IFT74: variants seen among roughly 807,000 people sequenced by gnomAD.
IFT74 encodes intraflagellar transport protein 74 homolog.
A neutral mutation model predicts 96.7 loss-of-function variants in IFT74; 92 were observed. The ratio of observed to expected loss-of-function variants is 0.95; its 90% CI spans 0.80 to 1.13. The LOEUF (loss-of-function observed/expected upper bound fraction) is 1.13. Ranked by LOEUF, IFT74 falls within the 50% of genes most tolerant of loss-of-function variation. IFT74 has a pLI of 0.00. For synonymous variants in IFT74, 223 were observed against 213.2 expected, an observed-to-expected ratio of 1.05 and a Z score of -0.40; for missense variants, 811 against 698.2, an observed-to-expected ratio of 1.16 and a Z score of -1.82.
chr9:27,006,187 T>C (rs1010404227), intron 8 of IFT74, among the ~76,000 whole-genome samples: 1 of 152,194 alleles, frequency 6.6e-6, no homozygotes, highest in Non-Finnish European at 1.5e-5. Context: ...TTTATTAAAG[T>C]ATTAACAATT....
At chr9:27,049,595 G>T (rs1819839042) in intron 16 of IFT74, among the ~76,000 whole-genome samples, 1 of 152,154 alleles carries the variant, frequency 6.6e-6, no homozygotes. Flanking sequence ...AGCTAGTTTG[G>T]TCAAGGATTG....
Position 27,017,346 on chromosome 9 carries a change from C to T in IFT74, c.933+296C>T, listed in dbSNP as rs539255415. 6.6e-5 allele frequency among the ~76,000 whole-genome samples: 10 copies of T among 152,136 alleles called. No homozygotes were observed. In the South Asian group the frequency reaches 1.2e-3, roughly 19 times the overall value. The stretch of plus-strand genomic sequence containing the variant: ...CAAGTGATCCTCCACCTCAGCCTCC[C>T]GAGTAGCTGGGACTGCAGGCATGTG... On this transcript the variant is annotated intron_variant, in intron 11 of 19. Coordinates refer to ENST00000380062, the MANE Select transcript of IFT74 (RefSeq NM_025103.4).
intron 13 of IFT74, among the ~76,000 whole-genome samples, chr9:27,032,099 C>T (rs771814180): frequency 2.0e-5 from 3 of 152,092 alleles, no homozygotes; most frequent in Non-Finnish European, 4.4e-5. Flanking sequence ...AAGCCTTACA[C>T]AAATCACAAA....
At position 26,984,333 on chromosome 9, in the gene IFT74, G is replaced by C; in HGVS notation, c.382G>C (p.Val128Leu). The C allele has an allele frequency of 6.3e-7, 1 of 1,584,826 alleles. No individual in the cohort carries two copies. Residue 128 changes from valine to leucine, a missense_variant, in exon 5 of 20, where the codon GTA (valine) becomes CTA (leucine). Val to Leu is a conservative substitution (Grantham distance 32, BLOSUM62 1). Coordinates refer to ENST00000380062, the MANE Select transcript of IFT74 (RefSeq NM_025103.4). ...GIEMYNQENS[V>L]YLSYEKRAET... ...AGAAATGTACAATCAAGAGAATTCA[G>C]TATATTTGTCATATGAAAAGAGGTG...
intron 1 of IFT74, among the ~76,000 whole-genome samples, chr9:26,949,729 T>C (rs1825873353): frequency 6.6e-6 from 1 of 151,948 alleles, no homozygotes; most frequent in Non-Finnish European, 1.5e-5. Flanking sequence ...TTTTAAAGGA[T>C]CGGTTGGTGG....
chr9:26,952,819 T>C (rs1825976778), upstream of IFT74, among the ~76,000 whole-genome samples: 1 of 152,180 alleles, frequency 6.6e-6, no homozygotes, highest in Non-Finnish European at 1.5e-5. Flanking sequence ...AGAAAGCTTT[T>C]CCTCTACCCT....
At chr9:26,978,661 A>G (rs769762825) in intron 3 of IFT74, among the ~76,000 whole-genome samples, 2 of 152,230 alleles carry the variant, frequency 1.3e-5, no homozygotes, top group East Asian at 1.9e-4. Context: ...TTTTGGTACT[A>G]TATAGAAATA....
At position 27,048,157 on chromosome 9, in the gene IFT74, C is replaced by T. The variant is rs781206836; in HGVS notation, c.1216C>T (p.Arg406Cys). The T allele has an allele frequency of 3.2e-6, 5 of 1,558,338 alleles. No individual in the cohort carries two copies. The highest frequency in any genetic ancestry group is 2.3e-5 in the East Asian group (1 of 43,420). The change falls in exon 16 of 20, where the codon CGT (arginine) becomes TGT (cysteine). Residue 406 changes from arginine (R) to cysteine (C), a missense_variant. Coordinates refer to ENST00000380062, the MANE Select transcript of IFT74 (RefSeq NM_025103.4). Reference protein sequence around the residue: ...LLEHCSRNINRIEQISSITNQ... With the variant: ...LLEHCSRNINCIEQISSITNQ... ...TTCTCTGCAAATGCAGAATATAAATCGTATAGAACAGATATCCTCTATCAC... is the reference window on the plus strand; with the variant it reads ...TTCTCTGCAAATGCAGAATATAAATTGTATAGAACAGATATCCTCTATCAC...
chr9:26,992,740 A>G (rs1212269625), intron 8 of IFT74, among the ~76,000 whole-genome samples: 1 of 152,132 alleles, frequency 6.6e-6, no homozygotes, highest in East Asian at 1.9e-4. Flanking sequence ...TTACTTTTCT[A>G]TACAGCAGTA....
At chr9:26,956,731 C>G (rs951682317) in intron 1 of IFT74, among the ~76,000 whole-genome samples, 7 of 152,160 alleles carry the variant, frequency 4.6e-5, no homozygotes, top group East Asian at 1.9e-4. Context: ...CCCGACCCCC[C>G]GCAGGAGACC....
In IFT74 at chr9:27,029,877, C is replaced by T. The variant is rs530868004; in HGVS notation, c.1054+773C>T. Among the ~76,000 whole-genome samples the T allele has an allele frequency of 1.4e-4, 21 of 152,262 alleles. 2 individuals are homozygous for T. In the South Asian group the frequency reaches 4.1e-3, roughly 30 times the overall value. ...AATAATCCAGACAGAATTAATTCCC[C>T]ACCCAGGTCTAGTAATGAAGTAGCA... On this transcript the variant is annotated intron_variant, in intron 13 of 19. Transcript: ENST00000380062.
chr9:26,974,292 C>T (rs900951722), intron 2 of IFT74, among the ~76,000 whole-genome samples: 8 of 152,150 alleles, frequency 5.3e-5, no homozygotes, highest in Non-Finnish European at 4.4e-5. Context: ...GAGAAGTTTA[C>T]TTAGCGGTCG....
At chr9:26,981,159 C>A (rs905601429) in intron 4 of IFT74, among the ~76,000 whole-genome samples, 9 of 152,164 alleles carry the variant, frequency 5.9e-5, no homozygotes, top group African/African-American at 2.2e-4. Flanking sequence ...TCTTAAAGTC[C>A]CTACCTCTTA....
chr9:26,974,265 A>G (rs1373861765), intron 2 of IFT74, among the ~76,000 whole-genome samples: 3 of 152,094 alleles, frequency 2.0e-5, no homozygotes, highest in African/African-American at 4.8e-5. Context: ...CCTTACATAC[A>G]CTTTTTGAGC....
chr9:26,990,074 C>T, intron 7 of IFT74, 60 bp from the exon 8 acceptor site: 1 of 1,007,728 alleles, frequency 9.9e-7, no homozygotes, highest in Non-Finnish European at 1.4e-6. Context: ...AAATAACCTA[C>T]AAAGAAAAAA....
intron 1 of IFT74, among the ~76,000 whole-genome samples, chr9:26,948,451 T>TA (rs1563926456): frequency 9.0e-5 from 2 of 22,238 alleles, no homozygotes; most frequent in Non-Finnish European, 1.5e-4. Flanking sequence ...TTCCATTATT[T>TA]TTTTTTTTTT....
At chr9:27,059,644 T>G (rs1403257596) in intron 18 of IFT74, among the ~76,000 whole-genome samples, 1 of 152,216 alleles carries the variant, frequency 6.6e-6, no homozygotes, top group Non-Finnish European at 1.5e-5. Context: ...ATGTGATTAG[T>G]AATACCAGCT....
At chr9:26,959,347 G>C (rs565766790) in intron 1 of IFT74, among the ~76,000 whole-genome samples, 1 of 152,266 alleles carries the variant, frequency 6.6e-6, no homozygotes, top group Non-Finnish European at 1.5e-5. Context: ...CTGACTTCGT[G>C]ATCCGCCCGC....
intron 2 of IFT74, among the ~76,000 whole-genome samples, chr9:26,968,654 G>T (rs1826742787): frequency 6.6e-6 from 1 of 152,138 alleles, no homozygotes; most frequent in Non-Finnish European, 1.5e-5. Flanking sequence ...GGTTGTATGT[G>T]TTTAGTCATT....
Sources: gnomAD v4.1 joint callset for allele counts (sites outside exome capture counted in the v4.1 genomes callset) on GRCh38, gnomAD v4.1.1 for gene constraint, MANE v1.5 for transcripts, NCBI Gene and HGNC (gene_info 2026-07-23, HGNC 2026-07-21) for gene names.